Variants in RBMS3 observed in about 807,000 individuals in gnomAD.
RBMS3 encodes RNA binding motif single stranded interacting protein 3, also known as RNA-binding motif, single-stranded-interacting protein 3.
Under a neutral mutation model 66.8 loss-of-function variants are expected in RBMS3, and 27 were observed. The observed-to-expected ratio is 0.40, with a 90% confidence interval of 0.30 to 0.56. RBMS3 has a LOEUF of 0.56. Ranked by LOEUF, RBMS3 falls within the 20% of genes least tolerant of loss-of-function variation. The pLI, the probability that RBMS3 is intolerant of heterozygous loss-of-function variation, is 0.40. For synonymous variants in RBMS3, 188 were observed against 183.0 expected (o/e 1.03, Z -0.22); for missense variants, 513 against 549.5 (o/e 0.93, Z 0.66).
At chr3:29,724,159 T>C (rs902901723) in intron 4 of RBMS3, among the ~76,000 whole-genome samples, 7 of 152,290 alleles carry the variant, frequency 4.6e-5, no homozygotes, top group African/African-American at 1.2e-4. Flanking sequence ...ATTTTAAGGA[T>C]CTCATTATCA....
At chr3:29,925,459 T>G (rs149098279) in intron 10 of RBMS3, among the ~76,000 whole-genome samples, 21 of 152,288 alleles carry the variant, frequency 1.4e-4, no homozygotes, top group African/African-American at 4.6e-4. Context: ...AAGGAGATTT[T>G]ATGGGTAAAG....
At position 29,989,293 on chromosome 3, in the gene RBMS3, G is replaced by GAGGGC. The variant is rs537482843; in HGVS notation, c.1179+1072_1179+1076dup. Among the ~76,000 whole-genome samples, 355 of 152,242 alleles carry GAGGGC rather than the reference G, an allele frequency of 2.3e-3. 2 individuals carry two copies. Among genetic ancestry groups the GAGGGC allele is most frequent in the South Asian group, 7.9e-3 (38 of 4,816 alleles). On this transcript the variant is annotated intron_variant, in intron 13 of 14. Coordinates refer to ENST00000383767, the MANE Select transcript of RBMS3 (RefSeq NM_001003793.3). ...GGGCCATAAACTACATAGAAATGGAGAGGGCATAGAGCTATGCAGATGGTG... is the reference window on the plus strand; with the variant it reads ...GGGCCATAAACTACATAGAAATGGAGAGGGCAGGGCATAGAGCTATGCAGATGGTG...
chr3:29,761,573 T>C (rs895594626), intron 5 of RBMS3, among the ~76,000 whole-genome samples: 4 of 152,120 alleles, frequency 2.6e-5, no homozygotes, highest in African/African-American at 7.2e-5. Flanking sequence ...TTCTCTCACT[T>C]CTGGGATTCC....
chr3:29,744,644 C>A (rs868327012), intron 5 of RBMS3, among the ~76,000 whole-genome samples: 2 of 152,010 alleles, frequency 1.3e-5, no homozygotes, highest in African/African-American at 4.8e-5. Context: ...ATTAGCCAGG[C>A]GTGGTGGCAC....
At chr3:29,312,719 C>A (rs1460942428) in intron 1 of RBMS3, among the ~76,000 whole-genome samples, 1 of 150,568 alleles carries the variant, frequency 6.6e-6, no homozygotes, top group African/African-American at 2.4e-5. Context: ...TTTTCTCTCA[C>A]CTAAAGAGTC....
In RBMS3 at chr3:29,681,499, C is replaced by T. The variant is rs765393893; in HGVS notation, c.400-58221C>T. 4.8e-4 allele frequency among the ~76,000 whole-genome samples: 55 copies of T among 115,478 alleles called. 1 individual carries two copies. Among genetic ancestry groups the T allele is most frequent in the Non-Finnish European group, 9.1e-4 (52 of 57,436 alleles). 75.8% of individuals were successfully genotyped at this position (115,478 alleles called of 152,430 possible). ...AGCTAGTCTTCCTTATGCTCTCCAT[C>T]CCCCACACAATCCCCCCAGACAGGC... On this transcript the variant is annotated intron_variant, in intron 4 of 14. Coordinates refer to ENST00000383767, the MANE Select transcript of RBMS3 (RefSeq NM_001003793.3).
chr3:29,413,749 A>G (rs2040370790), intron 1 of RBMS3, among the ~76,000 whole-genome samples: 2 of 152,048 alleles, frequency 1.3e-5, no homozygotes, highest in Non-Finnish European at 2.9e-5. Flanking sequence ...AGAGAACTGA[A>G]TTGTGTAAGG....
intron 13 of RBMS3, among the ~76,000 whole-genome samples, chr3:29,988,472 A>G (rs1349524739): frequency 6.6e-6 from 1 of 152,242 alleles, no homozygotes; most frequent in Non-Finnish European, 1.5e-5. Flanking sequence ...AGAAAATTCC[A>G]GAGGCCAAAT....
intron 8 of RBMS3, among the ~76,000 whole-genome samples, chr3:29,886,759 G>A (rs1278456474): frequency 6.6e-6 from 1 of 151,424 alleles, no homozygotes; most frequent in Non-Finnish European, 1.5e-5. Flanking sequence ...GACTATATTG[G>A]AGCAGGAAAA....
intron 2 of RBMS3, among the ~76,000 whole-genome samples, chr3:29,472,379 A>T (rs1402041703): frequency 6.6e-6 from 1 of 152,048 alleles, no homozygotes; most frequent in Non-Finnish European, 1.5e-5. Flanking sequence ...TATTTTTAGT[A>T]GAGATGGCAT....
intron 1 of RBMS3, among the ~76,000 whole-genome samples, chr3:29,360,603 G>A (rs1030780439): frequency 6.6e-6 from 1 of 151,990 alleles, no homozygotes; most frequent in Admixed American, 6.6e-5. Flanking sequence ...GGATATCCTT[G>A]TTAATTTTCT....
chr3:29,694,689 TC>T (rs1490813839), intron 4 of RBMS3, among the ~76,000 whole-genome samples: 1 of 152,190 alleles, frequency 6.6e-6, no homozygotes, highest in African/African-American at 2.4e-5. Flanking sequence ...TACTTAGAGT[TC>T]AATTATGTTT....
intron 4 of RBMS3, among the ~76,000 whole-genome samples, chr3:29,735,958 A>G (rs897723005): frequency 1.3e-5 from 2 of 152,176 alleles, no homozygotes; most frequent in Non-Finnish European, 2.9e-5. Flanking sequence ...AAAAATTATA[A>G]AAAGATCTTT....
intron 3 of RBMS3, among the ~76,000 whole-genome samples, chr3:29,510,066 G>A (rs966742202): frequency 5.3e-5 from 8 of 152,176 alleles, no homozygotes; most frequent in African/African-American, 1.9e-4. Flanking sequence ...GATGGAATAA[G>A]CACAATTTCT....
rs75865893 is a variant in RBMS3 at position 29,846,310 on chromosome 3, T to G, written c.638-22548T>G. On this transcript the variant is annotated intron_variant, in intron 6 of 14. Coordinates refer to ENST00000383767, the MANE Select transcript of RBMS3 (RefSeq NM_001003793.3). ...AGAAGTGGAAGATTTGGGATATATT[T>G]TGAAGGTAGAGTTAATATATTTTGA... 4.4e-3 allele frequency among the ~76,000 whole-genome samples: 665 copies of G among 152,166 alleles called. 13 individuals carry two copies. Among genetic ancestry groups the G allele is most frequent in the East Asian group, 0.043 (224 of 5,178 alleles).
rs1189438080 is a variant in RBMS3, at chr3:29,753,279, T to C, written c.558-9631T>C. On this transcript the variant is annotated intron_variant, in intron 5 of 14. Transcript: ENST00000383767. ...AAAATTGAACGATCCCACTTTTACA[T>C]TGAATCCCGGGTCCCCCAGAAAAGA... Among the ~76,000 whole-genome samples the C allele has an allele frequency of 2.4e-4, 36 of 152,174 alleles. 1 individual carries two copies. Among genetic ancestry groups the C allele is most frequent in the Admixed American group, 2.3e-3 (35 of 15,286 alleles).
chr3:29,878,445 C>G (rs1242947473), intron 7 of RBMS3, among the ~76,000 whole-genome samples: 1 of 152,140 alleles, frequency 6.6e-6, no homozygotes, highest in Admixed American at 6.6e-5. Context: ...GTTTCCACTA[C>G]TAGAAACACT....
intron 7 of RBMS3, 80 bp downstream of exon 7, chr3:29,869,044 C>T (rs2059427035): frequency 3.4e-6 from 4 of 1,187,884 alleles, no homozygotes; most frequent in Middle Eastern, 2.0e-4. Context: ...ACGTATGGTG[C>T]CATGATGAAA....
At chr3:29,911,354 T>C (rs980270358) in intron 10 of RBMS3, among the ~76,000 whole-genome samples, 5 of 152,098 alleles carry the variant, frequency 3.3e-5, no homozygotes, top group African/African-American at 9.7e-5. Flanking sequence ...GGCATATGCA[T>C]GACATTTGTG....
Sources: gnomAD v4.1 joint callset for allele counts (sites outside exome capture counted in the v4.1 genomes callset) on GRCh38, gnomAD v4.1.1 for gene constraint, MANE v1.5 for transcripts, NCBI Gene and HGNC (gene_info 2026-07-23, HGNC 2026-07-21) for gene names.